Variants in ERI2 observed in about 807,000 individuals in gnomAD.
ERI2 encodes ERI1 exoribonuclease 2.
Under a neutral mutation model 46.8 loss-of-function variants are expected in ERI2, and 35 were observed. The observed-to-expected ratio is 0.75, with a 90% CI of 0.57 to 0.99. The LOEUF (loss-of-function observed/expected upper bound fraction) is 0.99, where lower values mean the gene tolerates loss of function less well. Among genes scored for constraint, ERI2 ranks in the 50% least tolerant of loss-of-function variants. ERI2 has a pLI of 0.00. For missense variants in ERI2, 695 were observed against 796.2 expected (o/e 0.87, Z 1.53); for synonymous variants, 224 against 271.0 (o/e 0.83, Z 1.70).
In ERI2 at chr16:20,798,442, G is replaced by C; in HGVS notation, c.1358C>G (p.Ser453Ter). The C allele has an allele frequency of 6.4e-7, 1 of 1,550,794 alleles. No individual in the cohort carries two copies. The highest frequency in any genetic ancestry group is 1.2e-5 in the South Asian group (1 of 83,808). ...TATGTCTCCAAAGTTTTCATGACTT[G>C]ACATTTCCAATTCTTTCAAAACCAT... ...RLMVLKELEMSSHENFGDIEE... is the reference protein window; with the variant it reads ...RLMVLKELEM The change falls in exon 9 of 9, where the codon TCA becomes TGA. Residue 453 changes from serine (S) to a stop codon, truncating the protein, a stop_gained. Transcript: ENST00000357967. LOFTEE classifies it high-confidence loss of function.
At chr16:20,787,347 C>T (rs763275453) in intron 10 of ERI2, among the ~76,000 whole-genome samples, 4 of 152,096 alleles carry the variant, frequency 2.6e-5, no homozygotes, top group Non-Finnish European at 5.9e-5. Context: ...ATAGTAAGTT[C>T]GAACCATTTT....
chr16:20,794,467 T>A (rs1244005544), downstream of ERI2, among the ~76,000 whole-genome samples: 3 of 152,186 alleles, frequency 2.0e-5, no homozygotes, highest in East Asian at 5.8e-4. Context: ...CTAGTGTGAC[T>A]GAGAGTATTT....
intron 10 of ERI2, chr16:20,781,711 C>T (rs1486024410): frequency 1.2e-6 from 2 of 1,611,770 alleles, no homozygotes; most frequent in Non-Finnish European, 1.7e-6. Context: ...ATTGCAGACA[C>T]TCTCCAAGTA....
Position 20,796,365 on chromosome 16 carries a change from T to A in ERI2, c.*1359A>T. The A allele has an allele frequency of 3.7e-6, 6 of 1,605,168 alleles. No homozygotes were observed. Among genetic ancestry groups the A allele is most frequent in the Non-Finnish European group, 4.2e-6 (5 of 1,177,786 alleles). On this transcript the variant is annotated 3_prime_UTR_variant, in exon 9 of 9. Coordinates refer to ENST00000357967, the MANE Select transcript of ERI2 (RefSeq NM_001142725.2). ...TTTTCCTGGTGTTTCAAATATTTAT[T>A]TTAGGTAGTAAAGGCTTTTGTCGTT...
chr16:20,785,802 C>G (rs988656435), intron 10 of ERI2, among the ~76,000 whole-genome samples: 7 of 152,088 alleles, frequency 4.6e-5, no homozygotes, highest in African/African-American at 1.4e-4. Flanking sequence ...AATTCATTAA[C>G]TAGAAATAGC....
At position 20,797,282 on chromosome 16, in the gene ERI2, C is replaced by T; in HGVS notation, c.*442G>A. 9.6e-7 allele frequency: 1 copy of T among 1,043,742 alleles called. No individual in the cohort carries two copies. The highest frequency in any genetic ancestry group is 1.1e-6 in the Non-Finnish European group (1 of 870,644). The allele number at this position is 1,043,742 out of a possible 1,614,324, so 64.7% of individuals were successfully genotyped here. ...GATCTCTGCTACATAGGTTTTCAAACTTTAGTTGACTAATTCTTCTGATAT... is the reference window on the plus strand; with the variant it reads ...GATCTCTGCTACATAGGTTTTCAAATTTTAGTTGACTAATTCTTCTGATAT... On this transcript the variant is annotated 3_prime_UTR_variant, in exon 9 of 9. Coordinates refer to ENST00000357967, the MANE Select transcript of ERI2 (RefSeq NM_001142725.2).
chr16:20,786,434 A>G lies in ERI2; in HGVS notation c.894+3045T>C, dbSNP rs2080477227. ...AGTGGCTCACGCCTGTAATCCCAACACTTTGGGAGGCCAAGGCGGGAGCAT... is the reference window on the plus strand; with the variant it reads ...AGTGGCTCACGCCTGTAATCCCAACGCTTTGGGAGGCCAAGGCGGGAGCAT... On this transcript the variant is annotated intron_variant, in intron 10 of 10. Coordinates refer to the ERI2 transcript ENST00000300005. The G allele has an allele frequency of 7.6e-6, 4 of 526,248 alleles. No individual in the cohort carries two copies. In the East Asian group the frequency reaches 1.2e-4, roughly 15 times the overall value. The allele number at this position is 526,248 out of a possible 1,614,324, so 32.6% of individuals were successfully genotyped here.
chr16:20,799,359 T>C lies in ERI2; in HGVS notation c.644-8A>G. ...TCCGAGAATCGTCCAACCCTGAGGATACAGATATCAAACACTGAATTTAGT... is the reference window on the plus strand; with the variant it reads ...TCCGAGAATCGTCCAACCCTGAGGACACAGATATCAAACACTGAATTTAGT... On this transcript the variant is annotated splice_polypyrimidine_tract_variant and splice_region_variant and intron_variant, in intron 7 of 8. Transcript: ENST00000357967. 1 of 1,612,832 alleles carries C rather than the reference T, an allele frequency of 6.2e-7. No individual in the cohort carries two copies. Among genetic ancestry groups the C allele is most frequent in the Non-Finnish European group, 8.5e-7 (1 of 1,179,238 alleles).
chr16:20,800,564 C>T, intron 5 of ERI2, 162 bp from the exon 6 acceptor site: 4 of 423,466 alleles, frequency 9.4e-6, no homozygotes. Flanking sequence ...ATATAACTTA[C>T]TATTAACAAG....
chr16:20,796,329 TG>T (rs2080722856), downstream of ERI2: 1 of 1,600,018 alleles, frequency 6.2e-7, no homozygotes. Context: ...AACATACAAA[TG>T]CATAACTCAT....
At chr16:20,781,215 AGATCAGAGT>A in intron 10 of ERI2, 1 of 1,469,466 alleles carries the variant, frequency 6.8e-7, no homozygotes, top group Non-Finnish European at 9.3e-7. Context: ...CAACTTGCAG[AGATCAGAGT>A]AGACAATATG....
intron 10 of ERI2, among the ~76,000 whole-genome samples, chr16:20,788,112 T>A (rs13337447): frequency 0.058 from 8,894 of 152,220 alleles, 299 homozygotes; most frequent in African/African-American, 0.075. Context: ...TTATTTATTT[T>A]TTTATTTTTT....
Position 20,796,695 on chromosome 16 carries a change from C to CA in ERI2, c.*1028dup. 1 of 1,477,920 alleles carries CA rather than the reference C, an allele frequency of 6.8e-7. No individual in the cohort carries two copies. Among genetic ancestry groups the CA allele is most frequent in the Non-Finnish European group, 8.9e-7 (1 of 1,121,380 alleles). 91.6% of individuals were successfully genotyped at this position (1,477,920 alleles called of 1,614,324 possible). ...GTTTGGTCCTTTGGCTTACTGGACT[C>CA]ACAGTAAATACTTAATATCAAGACA... On this transcript the variant is annotated 3_prime_UTR_variant, in exon 9 of 9. Transcript: ENST00000357967.
rs1405842568 is a variant in ERI2 at position 20,797,423 on chromosome 16, A to C, written c.*301T>G. On this transcript the variant is annotated 3_prime_UTR_variant, in exon 9 of 9. Coordinates refer to ENST00000357967, the MANE Select transcript of ERI2 (RefSeq NM_001142725.2). ...AAGATTATGATAATCTCAAAGTACA[A>C]GAATCTACCTGAAAATAGACTAGGG... is the stretch of plus-strand genomic sequence containing the variant. 9.8e-6 allele frequency: 10 copies of C among 1,016,874 alleles called. No homozygotes were observed. Among genetic ancestry groups the C allele is most frequent in the African/African-American group, 1.7e-5 (1 of 58,848 alleles). 63.0% of individuals were successfully genotyped at this position (1,016,874 alleles called of 1,614,324 possible).
chr16:20,781,926 C>T, intron 10 of ERI2: 2 of 644,190 alleles, frequency 3.1e-6, no homozygotes, highest in Non-Finnish European at 5.4e-6. Context: ...CCTCTTTCTC[C>T]TTCTTGCCTG....
rs553860403 is a variant in ERI2 at position 20,801,107 on chromosome 16, C to T, written c.460+96G>A. 2.8e-4 allele frequency: 323 copies of T among 1,150,894 alleles called. 2 individuals carry two copies. In the African/African-American group the frequency reaches 4.8e-3, roughly 17 times the overall value. 71.3% of individuals were successfully genotyped at this position (1,150,894 alleles called of 1,614,324 possible). On this transcript the variant is annotated intron_variant, in intron 5 of 8. Transcript: ENST00000357967. ...TTTCCTAGCCCAGAAGATTAACAAA[C>T]ATAATTCTAGGTTAGCAAGTATAAA...
chr16:20,804,948 T>C (rs1200109383), intron 1 of ERI2, among the ~76,000 whole-genome samples: 1 of 152,212 alleles, frequency 6.6e-6, no homozygotes, highest in Non-Finnish European at 1.5e-5. Context: ...TTCCTACCTA[T>C]ATTTTATGGA....
Position 20,796,998 on chromosome 16 carries a change from A to G in ERI2, c.*726T>C, listed in dbSNP as rs201704352. On this transcript the variant is annotated 3_prime_UTR_variant, in exon 9 of 9. Transcript: ENST00000357967. ...AGTTGTTTCATTAATTACCATATCT[A>G]TAAAACAAACATAGTATCTGTCAAT... 1.1e-5 allele frequency: 18 copies of G among 1,606,590 alleles called. No homozygotes were observed. The African/African-American group carries it at 1.2e-4, about 11-fold the overall frequency.
At chr16:20,780,410 C>G in exon 11 of ERI2, 2 of 537,304 alleles carry the variant, frequency 3.7e-6, no homozygotes, top group South Asian at 4.5e-5. Flanking sequence ...ACTCCTTACT[C>G]TGCTGGAGGT....
Sources: gnomAD v4.1 joint callset for allele counts (sites outside exome capture counted in the v4.1 genomes callset) on GRCh38, gnomAD v4.1.1 for gene constraint, MANE v1.5 for transcripts, NCBI Gene and HGNC (gene_info 2026-07-23, HGNC 2026-07-21) for gene names.